Variants in SP4 observed in about 807,000 individuals in gnomAD.
SP4 encodes the protein transcription factor Sp4.
Under a neutral mutation model 72.8 loss-of-function variants are expected in SP4, and 19 were observed. The ratio of observed to expected loss-of-function variants is 0.26; its 90% CI spans 0.18 to 0.38. SP4 has a LOEUF of 0.38. Among genes scored for constraint, SP4 ranks in the 10% least tolerant of loss-of-function variants. The pLI is 1.00. For missense variants in SP4, 1,008 were observed against 926.3 expected, an observed-to-expected ratio of 1.09 and a Z score of -1.14; for synonymous variants, 395 against 333.1, an observed-to-expected ratio of 1.19 and a Z score of -2.02.
chr7:21,505,377 C>T (rs539897868), intron 5 of SP4, among the ~76,000 whole-genome samples: 3 of 152,284 alleles, frequency 2.0e-5, no homozygotes, highest in Admixed American at 1.3e-4. Flanking sequence ...TCTGATACCT[C>T]GGTCCTCCTC....
intron 3 of SP4, among the ~76,000 whole-genome samples, chr7:21,450,337 A>AT (rs1413903073): frequency 6.6e-6 from 1 of 152,280 alleles, no homozygotes; most frequent in South Asian, 2.1e-4. Context: ...AATTTGGTGG[A>AT]TTTTTTAAAG....
At chr7:21,486,104 A>T (rs997405154) in intron 5 of SP4, among the ~76,000 whole-genome samples, 1 of 151,190 alleles carries the variant, frequency 6.6e-6, no homozygotes, top group Non-Finnish European at 1.5e-5. Flanking sequence ...TGAAAATTAC[A>T]TTCTCTTAAA....
intron 5 of SP4, among the ~76,000 whole-genome samples, chr7:21,503,910 T>C (rs752614904): frequency 2.6e-5 from 4 of 152,146 alleles, no homozygotes; most frequent in Non-Finnish European, 2.9e-5. Flanking sequence ...AAGCCTGGGG[T>C]CCCCATTGAC....
In SP4 at chr7:21,511,681, C is replaced by T. The variant is rs1215320441; in HGVS notation, c.*412C>T. On this transcript the variant is annotated 3_prime_UTR_variant, in exon 6 of 6. Coordinates refer to ENST00000222584, the MANE Select transcript of SP4 (RefSeq NM_003112.5). ...AATAATTTACGTGTATTCTTTTTCT[C>T]TATAGCACAGAAAACAGATAGTTAA... 1.8e-5 allele frequency: 3 copies of T among 163,464 alleles called. No individual in the cohort carries two copies. Among genetic ancestry groups the T allele is most frequent in the South Asian group, 3.3e-4 (2 of 6,092 alleles). The allele number at this position is 163,464 out of a possible 1,614,324, so 10.1% of individuals were successfully genotyped here. A position where few individuals can be genotyped will look rare whatever the true frequency, so the allele number is the denominator to read the frequency against.
chr7:21,429,843 T>C lies in SP4; in HGVS notation c.678T>C (p.Asn226=). Residue 226 remains asparagine, a synonymous_variant, in exon 3 of 6, where the codon AAT becomes AAC. Coordinates refer to ENST00000222584, the MANE Select transcript of SP4 (RefSeq NM_003112.5). ...ATATTCTTGCTCAAAACCTGGCAAA[T>C]CAGACAGTTCCGGTCCAAATTAGAC... ...SGNILAQNLA[N]QTVPVQIRPG... 1 of 1,614,208 alleles carries C rather than the reference T, an allele frequency of 6.2e-7. No homozygotes were observed. The highest frequency in any genetic ancestry group is 1.1e-5 in the South Asian group (1 of 91,086).
At chr7:21,496,259 A>C (rs771507397) in intron 5 of SP4, among the ~76,000 whole-genome samples, 6 of 152,252 alleles carry the variant, frequency 3.9e-5, no homozygotes, top group Non-Finnish European at 7.3e-5. Flanking sequence ...TATAAATTAA[A>C]ACATAAATGT....
intron 4 of SP4, among the ~76,000 whole-genome samples, chr7:21,477,862 A>T (rs1784554486): frequency 6.6e-6 from 1 of 152,144 alleles, no homozygotes; most frequent in African/African-American, 2.4e-5. Context: ...TTTTCATAAA[A>T]TATTTACGTA....
At chr7:21,500,710 C>T (rs1428134816) in intron 5 of SP4, among the ~76,000 whole-genome samples, 4 of 152,306 alleles carry the variant, frequency 2.6e-5, no homozygotes, top group Non-Finnish European at 4.4e-5. Context: ...CAGCAGGGCA[C>T]GTTTCCCCTC....
chr7:21,463,090 T>G (rs1784046404), intron 3 of SP4, among the ~76,000 whole-genome samples: 1 of 152,072 alleles, frequency 6.6e-6, no homozygotes, highest in African/African-American at 2.4e-5. Context: ...TTTTTTTTTT[T>G]TGAGACAGGG....
intron 3 of SP4, among the ~76,000 whole-genome samples, chr7:21,453,977 TTATGA>T (rs1338711648): frequency 2.0e-5 from 3 of 152,236 alleles, no homozygotes; most frequent in African/African-American, 7.2e-5. Flanking sequence ...CCATGCCTTC[TTATGA>T]TATTTTACCA....
intron 3 of SP4, among the ~76,000 whole-genome samples, chr7:21,444,674 A>G (rs1266474769): frequency 6.6e-6 from 1 of 152,166 alleles, no homozygotes; most frequent in Non-Finnish European, 1.5e-5. Context: ...ATGTGTATTA[A>G]CTGTTTATTT....
chr7:21,496,227 CA>C (rs1020109117), intron 5 of SP4, among the ~76,000 whole-genome samples: 2 of 151,676 alleles, frequency 1.3e-5, no homozygotes, highest in African/African-American at 4.8e-5. Context: ...AACTCTATAC[CA>C]AAAAAATGAA....
intron 5 of SP4, among the ~76,000 whole-genome samples, chr7:21,508,807 CTTTTTT>C (rs11418275): frequency 6.3e-5 from 7 of 111,532 alleles, no homozygotes; most frequent in African/African-American, 1.0e-4. Context: ...TGTCTACACA[CTTTTTT>C]TTTTTTTTTT....
intron 5 of SP4, among the ~76,000 whole-genome samples, chr7:21,505,522 C>T (rs1781971071): frequency 6.6e-6 from 1 of 152,184 alleles, no homozygotes; most frequent in Admixed American, 6.5e-5. Context: ...GCAGCACAGT[C>T]CAGGGGTACT....
At chr7:21,510,777 T>G (rs1782121027) in intron 5 of SP4, among the ~76,000 whole-genome samples, 1 of 152,200 alleles carries the variant, frequency 6.6e-6, no homozygotes, top group Non-Finnish European at 1.5e-5. Flanking sequence ...GCTATTTACT[T>G]GCTCCAGCTT....
chr7:21,507,859 C>T (rs1463540974), intron 5 of SP4, among the ~76,000 whole-genome samples: 1 of 152,120 alleles, frequency 6.6e-6, no homozygotes, highest in African/African-American at 2.4e-5. Context: ...CATCCATTCT[C>T]TGGCCATTCT....
At chr7:21,468,604 C>T (rs953954215) in intron 3 of SP4, among the ~76,000 whole-genome samples, 3 of 151,482 alleles carry the variant, frequency 2.0e-5, no homozygotes, top group African/African-American at 2.4e-5. Flanking sequence ...TTGGCCATCT[C>T]GCTGATGTAC....
intron 3 of SP4, among the ~76,000 whole-genome samples, chr7:21,459,738 TTTAA>T (rs1199287560): frequency 6.6e-6 from 1 of 152,238 alleles, no homozygotes. Context: ...GTTTTATCCA[TTTAA>T]TTGTTAGTGG....
chr7:21,437,983 CTGTCTTTAGATATA>C (rs1388029410), intron 3 of SP4, among the ~76,000 whole-genome samples: 131 of 149,220 alleles, frequency 8.8e-4, no homozygotes, highest in Admixed American at 8.6e-3. Context: ...ATTGTGACAG[CTGTCTTTAGATATA>C]TGAGGGGCTT....
Sources: allele counts gnomAD v4.1 joint callset (sites outside exome capture counted in the v4.1 genomes callset), GRCh38; gene constraint gnomAD v4.1.1; transcripts MANE v1.5; gene names NCBI Gene and HGNC (gene_info 2026-07-23, HGNC 2026-07-21).